The following SH3D19 variants were observed in gnomAD, a reference collection of about 807,000 sequenced individuals.
SH3D19 encodes SH3 domain-containing protein 19.
In SH3D19, 58 loss-of-function variants were observed where a neutral mutation model predicts 112.1. The observed-to-expected ratio is 0.52, with a 90% CI of 0.42 to 0.64. The LOEUF (loss-of-function observed/expected upper bound fraction) is 0.64. Ranked by LOEUF, SH3D19 falls within the 30% of genes least tolerant of loss-of-function variation. The pLI, the probability that SH3D19 is intolerant of heterozygous loss-of-function variation, is 0.00. For missense variants in SH3D19, 1,090 were observed against 1,263.4 expected, an observed-to-expected ratio of 0.86 and a Z score of 2.08; for synonymous variants, 391 against 448.5, an observed-to-expected ratio of 0.87 and a Z score of 1.62.
intron 1 of SH3D19, among the ~76,000 whole-genome samples, chr4:151,232,880 G>T (rs1276090604): frequency 2.0e-5 from 3 of 152,162 alleles, no homozygotes; most frequent in Admixed American, 6.5e-5. Flanking sequence ...AAGTTCTAGA[G>T]GCCAGAAGTC....
At chr4:151,137,985 T>A in intron 13 of SH3D19, 123 bp from the exon 14 acceptor site, 1 of 683,174 alleles carries the variant, frequency 1.5e-6, no homozygotes, top group Non-Finnish European at 2.2e-6. Context: ...TGAGAACAGA[T>A]TATACTAATC....
Position 151,120,795 on chromosome 4 carries a change from C to T in SH3D19, c.*1296G>A, listed in dbSNP as rs1747880225. Reference sequence around the variant, plus strand: ...AAAACAATAAAAGCTAAAATGTGGTCCAGCATATGAAACTCTTCTCAAAAA... The same window carrying T: ...AAAACAATAAAAGCTAAAATGTGGTTCAGCATATGAAACTCTTCTCAAAAA... On this transcript the variant is annotated 3_prime_UTR_variant, in exon 20 of 20. Transcript: ENST00000604030. The T allele has an allele frequency of 6.6e-6, 1 of 152,410 alleles. No individual in the cohort carries two copies. The allele number at this position is 152,410 out of a possible 1,614,324, so 9.4% of individuals were successfully genotyped here. A position where few individuals can be genotyped will look rare whatever the true frequency, so the allele number is the denominator to read the frequency against.
At chr4:151,307,974 G>A (rs1013250026) in intron 1 of SH3D19, among the ~76,000 whole-genome samples, 34 of 152,018 alleles carry the variant, frequency 2.2e-4, no homozygotes, top group Non-Finnish European at 1.8e-4. Flanking sequence ...GCAATGGTGC[G>A]ATCTCACTGC....
At chr4:151,249,340 TAG>T (rs1165565311) in intron 1 of SH3D19, among the ~76,000 whole-genome samples, 2 of 152,226 alleles carry the variant, frequency 1.3e-5, no homozygotes, top group Admixed American at 1.3e-4. Flanking sequence ...AAAGAAGTAT[TAG>T]AAAGTTATCA....
intron 1 of SH3D19, chr4:151,283,047 A>T: frequency 6.9e-7 from 1 of 1,455,600 alleles, no homozygotes; most frequent in Non-Finnish European, 9.6e-7. Flanking sequence ...ACTTCTGCAC[A>T]TCATGACTGA....
chr4:151,159,795 A>G (rs911544558), intron 8 of SH3D19, among the ~76,000 whole-genome samples: 1 of 152,186 alleles, frequency 6.6e-6, no homozygotes, highest in African/African-American at 2.4e-5. Flanking sequence ...CACATTTCAA[A>G]TTACTAGCCA....
At chr4:151,247,618 T>C (rs1016515895) in intron 1 of SH3D19, among the ~76,000 whole-genome samples, 1 of 152,194 alleles carries the variant, frequency 6.6e-6, no homozygotes, top group African/African-American at 2.4e-5. Flanking sequence ...TTTAGAACAT[T>C]CCCATCACTC....
chr4:151,274,369 T>G (rs1773434076), intron 1 of SH3D19, among the ~76,000 whole-genome samples: 1 of 152,338 alleles, frequency 6.6e-6, no homozygotes, highest in Non-Finnish European at 1.5e-5. Context: ...GCAACTGAGC[T>G]GGCCATATTT....
chr4:151,169,173 G>A (rs529799784), intron 7 of SH3D19, among the ~76,000 whole-genome samples: 62 of 152,218 alleles, frequency 4.1e-4, no homozygotes, highest in African/African-American at 1.5e-3. Context: ...AACTTATGAA[G>A]TATTCAAAGT....
At chr4:151,246,227 G>C (rs1397085329) in intron 1 of SH3D19, among the ~76,000 whole-genome samples, 4 of 152,132 alleles carry the variant, frequency 2.6e-5, no homozygotes, top group African/African-American at 9.7e-5. Context: ...TATATATATA[G>C]ATGGGTACTG....
chr4:151,286,768 C>A (rs1197084866), intron 1 of SH3D19, among the ~76,000 whole-genome samples: 2 of 151,560 alleles, frequency 1.3e-5, no homozygotes, highest in African/African-American at 2.4e-5. Context: ...TCAATTGAGG[C>A]CAGGAGTTCG....
intron 1 of SH3D19, among the ~76,000 whole-genome samples, chr4:151,285,597 C>T (rs943465481): frequency 1.3e-5 from 2 of 152,084 alleles, no homozygotes; most frequent in African/African-American, 2.4e-5. Flanking sequence ...CTGTAAATGC[C>T]TACGTTAAAC....
intron 2 of SH3D19, among the ~76,000 whole-genome samples, chr4:151,214,185 G>T (rs1766497717): frequency 6.6e-6 from 1 of 152,010 alleles, no homozygotes; most frequent in Admixed American, 6.6e-5. Flanking sequence ...GGGCTGGGGG[G>T]TAAGGTCACA....
chr4:151,288,689 A>G (rs1024572976), intron 1 of SH3D19, among the ~76,000 whole-genome samples: 1 of 152,172 alleles, frequency 6.6e-6, no homozygotes, highest in Non-Finnish European at 1.5e-5. Flanking sequence ...AAAAAGAAAA[A>G]AGAAAAAAGC....
At chr4:151,320,160 C>G (rs1342500742) in intron 1 of SH3D19, among the ~76,000 whole-genome samples, 2 of 152,190 alleles carry the variant, frequency 1.3e-5, no homozygotes, top group Non-Finnish European at 2.9e-5. Flanking sequence ...CAAAGCACAA[C>G]AGACAACAGT....
intron 1 of SH3D19, among the ~76,000 whole-genome samples, chr4:151,282,896 G>A (rs1295134733): frequency 6.6e-6 from 1 of 151,930 alleles, no homozygotes; most frequent in Admixed American, 6.6e-5. Context: ...TTAGAACAAT[G>A]GCTCAATTAA....
chr4:151,243,853 G>A (rs1373365499), intron 1 of SH3D19, among the ~76,000 whole-genome samples: 1 of 152,174 alleles, frequency 6.6e-6, no homozygotes, highest in African/African-American at 2.4e-5. Flanking sequence ...GAGAATTGCT[G>A]CTAAAAAGGA....
chr4:151,280,496 C>G (rs1774109228), intron 1 of SH3D19, among the ~76,000 whole-genome samples: 1 of 152,204 alleles, frequency 6.6e-6, no homozygotes, highest in Non-Finnish European at 1.5e-5. Flanking sequence ...ACACCTGATT[C>G]CTGACCCATA....
At chr4:151,243,274 A>C (rs977425967) in intron 1 of SH3D19, among the ~76,000 whole-genome samples, 1 of 152,234 alleles carries the variant, frequency 6.6e-6, no homozygotes, top group African/African-American at 2.4e-5. Flanking sequence ...AAATCATTTA[A>C]TATCTAAATT....
Sources: allele counts gnomAD v4.1 joint callset (sites outside exome capture counted in the v4.1 genomes callset), GRCh38; gene constraint gnomAD v4.1.1; transcripts MANE v1.5; gene names NCBI Gene and HGNC (gene_info 2026-07-23, HGNC 2026-07-21).